Variants in ZFP2 observed in about 807,000 individuals in gnomAD.
ZFP2 encodes the protein zinc finger protein ZFP2.
A neutral mutation model predicts 36.1 loss-of-function variants in ZFP2; 33 were observed. The observed-to-expected ratio is 0.92, with a 90% CI of 0.69 to 1.22. The LOEUF is 1.22. ZFP2 is among the 50% of genes most tolerant of loss of function. The pLI is 0.00. For missense variants in ZFP2, 522 were observed against 551.4 expected (o/e 0.95, Z 0.53); for synonymous variants, 170 against 178.0 (o/e 0.96, Z 0.36).
chr5:178,896,588 G>A (rs1757947324), intron 1 of ZFP2, among the ~76,000 whole-genome samples: 1 of 152,206 alleles, frequency 6.6e-6, no homozygotes, highest in Admixed American at 6.5e-5. Context: ...ACCTGGTGCA[G>A]GTTTCGACCT....
intron 1 of ZFP2, chr5:178,910,096 C>T (rs61741387): frequency 1.7e-5 from 25 of 1,470,288 alleles, no homozygotes; most frequent in Middle Eastern, 1.7e-4. Context: ...AATTTATTCT[C>T]CTGTTTGGCT....
chr5:178,915,171 T>C (rs1581835582), intron 3 of ZFP2, among the ~76,000 whole-genome samples: 1 of 152,144 alleles, frequency 6.6e-6, no homozygotes, highest in Non-Finnish European at 1.5e-5. Flanking sequence ...GATTATTTTA[T>C]TGATGCCATT....
intron 4 of ZFP2, among the ~76,000 whole-genome samples, chr5:178,924,938 G>A (rs1424294914): frequency 1.4e-5 from 2 of 148,056 alleles, no homozygotes; most frequent in East Asian, 3.9e-4. Flanking sequence ...GAAATGCTTT[G>A]TGTGCATCTC....
intron 1 of ZFP2, among the ~76,000 whole-genome samples, chr5:178,898,879 G>C (rs1757991397): frequency 6.6e-6 from 1 of 152,204 alleles, no homozygotes; most frequent in Non-Finnish European, 1.5e-5. Context: ...TCAAGGGTCA[G>C]AAAGGGAAAA....
intron 4 of ZFP2, among the ~76,000 whole-genome samples, chr5:178,927,497 T>G (rs529531732): frequency 7.7e-5 from 11 of 143,414 alleles, no homozygotes; most frequent in Middle Eastern, 3.5e-3. Context: ...TATTTATTTT[T>G]GGGGTTTTTT....
At chr5:178,910,231 A>G (rs1167961901) in intron 1 of ZFP2, 39 of 1,581,602 alleles carry the variant, frequency 2.5e-5, no homozygotes, top group Non-Finnish European at 3.3e-5. Flanking sequence ...TTCCAAGCCA[A>G]GAGCAGCACT....
chr5:178,913,631 TCTTTCTC>T (rs1032513196), intron 3 of ZFP2, among the ~76,000 whole-genome samples: 10 of 152,208 alleles, frequency 6.6e-5, no homozygotes, highest in Non-Finnish European at 1.2e-4. Flanking sequence ...GTGTATATTT[TCTTTCTC>T]ATTCCCAAAA....
At position 178,909,861 on chromosome 5, in the gene ZFP2, C is replaced by A. The variant is rs1365842740; in HGVS notation, c.-449-2723C>A. The stretch of plus-strand genomic sequence containing the variant: ...TTCACTGTGGTTGCTGAGGTCAGGG[C>A]CAATCACCTGAGTGAAGTTAAGGAA... On this transcript the variant is annotated intron_variant, in intron 1 of 4. Transcript: ENST00000361362. 5 of 1,582,088 alleles carry A rather than the reference C, an allele frequency of 3.2e-6. No individual in the cohort carries two copies. The Admixed American group carries it at 8.4e-5, about 27-fold the overall frequency.
At chr5:178,915,403 T>C (rs772863370) in intron 3 of ZFP2, among the ~76,000 whole-genome samples, 28 of 142,488 alleles carry the variant, frequency 2.0e-4, no homozygotes, top group Non-Finnish European at 3.0e-4. Context: ...AACCTCCGCC[T>C]TCCAGGTTCA....
chr5:178,927,670 TG>T (rs1758711429), intron 4 of ZFP2, among the ~76,000 whole-genome samples: 1 of 71,758 alleles, frequency 1.4e-5, no homozygotes, highest in Admixed American at 1.4e-4. Context: ...CCAATGTGTG[TG>T]TGTGTGTGTG....
intron 3 of ZFP2, chr5:178,915,662 T>C (rs1758415681): frequency 6.6e-6 from 1 of 151,928 alleles, no homozygotes; most frequent in Admixed American, 6.6e-5. Context: ...TGCTCATCAT[T>C]TTCCATGTCT....
intron 1 of ZFP2, among the ~76,000 whole-genome samples, chr5:178,901,663 A>G (rs1221399273): frequency 1.3e-5 from 2 of 152,136 alleles, no homozygotes; most frequent in Non-Finnish European, 2.9e-5. Context: ...ATGAGGTCCT[A>G]TTGCAAGGTA....
Position 178,930,314 on chromosome 5 carries a change from CTTTTTTTT to C in ZFP2, c.-77-906_-77-899del, listed in dbSNP as rs990713790. On this transcript the variant is annotated intron_variant, in intron 4 of 4. Transcript: ENST00000361362. ...ATTTCTTTCTTTTTTTTTCCCTTTCCTTTTTTTTTTTTTTTTTTTTTTTTGAGACAGAG... is the reference window on the plus strand; with the variant it reads ...ATTTCTTTCTTTTTTTTTCCCTTTCCTTTTTTTTTTTTTTTTGAGACAGAG... Among the ~76,000 whole-genome samples the C allele has an allele frequency of 7.8e-3, 554 of 71,400 alleles. 2 individuals carry two copies. Among genetic ancestry groups the C allele is most frequent in the African/African-American group, 0.031 (518 of 16,728 alleles). The allele number at this position is 71,400 out of a possible 152,430, so 46.8% of individuals were successfully genotyped here. A position where few individuals can be genotyped will look rare whatever the true frequency, so the allele number is the denominator to read the frequency against.
At chr5:178,921,326 C>CTGTA (rs1371947898) in intron 4 of ZFP2, among the ~76,000 whole-genome samples, 1 of 152,166 alleles carries the variant, frequency 6.6e-6, no homozygotes, top group Non-Finnish European at 1.5e-5. Context: ...AGGCAGGGGC[C>CTGTA]TGTAGTTGCC....
chr5:178,909,563 C>T (rs1302925001), intron 1 of ZFP2: 26 of 651,038 alleles, frequency 4.0e-5, no homozygotes, highest in Non-Finnish European at 5.5e-5. Context: ...GTAGCCCCCA[C>T]GGCCTGGTGT....
intron 4 of ZFP2, among the ~76,000 whole-genome samples, chr5:178,918,952 A>G (rs190304671): frequency 6.6e-6 from 1 of 152,148 alleles, no homozygotes; most frequent in Non-Finnish European, 1.5e-5. Context: ...AATTCTGAGT[A>G]AAGCCCCCCT....
chr5:178,906,621 T>C (rs1346467905), intron 1 of ZFP2, among the ~76,000 whole-genome samples: 1 of 152,118 alleles, frequency 6.6e-6, no homozygotes, highest in Non-Finnish European at 1.5e-5. Context: ...AGTGGCCCGA[T>C]CTCGGCTCAC....
intron 4 of ZFP2, chr5:178,922,445 T>G (rs1758576588): frequency 7.3e-7 from 1 of 1,377,662 alleles, no homozygotes; most frequent in Non-Finnish European, 1.0e-6. Context: ...TGTGCCTTAC[T>G]TATGTTTGTT....
At chr5:178,899,726 G>T (rs1758015175) in intron 1 of ZFP2, among the ~76,000 whole-genome samples, 1 of 151,832 alleles carries the variant, frequency 6.6e-6, no homozygotes, top group South Asian at 2.1e-4. Flanking sequence ...GAGGATTCCA[G>T]GCTTCTCTGA....
Sources: gnomAD v4.1 joint callset for allele counts (sites outside exome capture counted in the v4.1 genomes callset) on GRCh38, gnomAD v4.1.1 for gene constraint, MANE v1.5 for transcripts, NCBI Gene and HGNC (gene_info 2026-07-23, HGNC 2026-07-21) for gene names.